Variants in ZNG1C observed in about 807,000 individuals in gnomAD.
ZNG1C encodes zinc-regulated GTPase metalloprotein activator 1C.
At chr9:68,251,056 A>C in the ZNG1C span, 2 of 351,622 alleles carry the variant, frequency 5.7e-6, no homozygotes, top group Non-Finnish European at 1.1e-5. Flanking sequence ...TCCAGCCTGG[A>C]TGACAGCATG....
chr9:68,285,764 C>T, the ZNG1C span: 2 of 595,194 alleles, frequency 3.4e-6, no homozygotes, highest in Middle Eastern at 9.0e-4. Context: ...TTATTCTGTG[C>T]ATATGTATAT....
chr9:68,263,227 GT>G, the ZNG1C span, among the ~76,000 whole-genome samples: 3 of 120,330 alleles, frequency 2.5e-5, no homozygotes, highest in African/African-American at 1.1e-4. Context: ...CTGATATATG[GT>G]TATTGACATT....
the ZNG1C span, among the ~76,000 whole-genome samples, chr9:68,267,085 A>G: frequency 6.6e-6 from 1 of 151,562 alleles, no homozygotes; most frequent in Non-Finnish European, 1.5e-5. Context: ...CCCTATACAG[A>G]GAGACATTCG....
At chr9:68,276,483 A>G in the ZNG1C span, among the ~76,000 whole-genome samples, 3 of 137,402 alleles carry the variant, frequency 2.2e-5, no homozygotes, top group African/African-American at 5.5e-5. Flanking sequence ...ATTTTTGTAT[A>G]AGGTGTAAGG....
chr9:68,293,336 A>G, the ZNG1C span, among the ~76,000 whole-genome samples: 1 of 152,126 alleles, frequency 6.6e-6, no homozygotes, highest in African/African-American at 2.4e-5. Flanking sequence ...CTCACATCTC[A>G]ATACTAACAT....
At chr9:68,290,253 C>T in the ZNG1C span, among the ~76,000 whole-genome samples, 8 of 146,516 alleles carry the variant, frequency 5.5e-5, 1 homozygote, top group South Asian at 1.3e-3. Context: ...CATATTTAAC[C>T]TGTTAAAAGC....
At chr9:68,265,132 TCCA>T in the ZNG1C span, among the ~76,000 whole-genome samples, 1 of 144,682 alleles carries the variant, frequency 6.9e-6, no homozygotes, top group Non-Finnish European at 1.5e-5. Flanking sequence ...CCTCAGGTGA[TCCA>T]CCCGCCTCGG....
At chr9:68,287,312 T>TAA in the ZNG1C span, among the ~76,000 whole-genome samples, 33 of 151,876 alleles carry the variant, frequency 2.2e-4, no homozygotes, top group African/African-American at 8.0e-4. Flanking sequence ...GGAGCTTTTT[T>TAA]AAAAAAAATT....
the ZNG1C span, among the ~76,000 whole-genome samples, chr9:68,296,615 G>T: frequency 1.3e-5 from 2 of 152,252 alleles, no homozygotes; most frequent in Admixed American, 6.5e-5. Flanking sequence ...GGCCAGATAC[G>T]CAGTTCTAGG....
chr9:68,268,646 A>G, the ZNG1C span, among the ~76,000 whole-genome samples: 1 of 152,272 alleles, frequency 6.6e-6, no homozygotes, highest in African/African-American at 2.4e-5. Flanking sequence ...TCTAAAGTGA[A>G]GCGTCTTTTT....
At chr9:68,267,580 A>ATAGTT in the ZNG1C span, among the ~76,000 whole-genome samples, 2 of 53,362 alleles carry the variant, frequency 3.7e-5, no homozygotes, top group Non-Finnish European at 7.8e-5. Flanking sequence ...AACTTTGCAC[A>ATAGTT]GTGCTGACAC....
chr9:68,255,582 TAA>T, the ZNG1C span, among the ~76,000 whole-genome samples: 1 of 146,868 alleles, frequency 6.8e-6, no homozygotes, highest in Admixed American at 6.9e-5. Flanking sequence ...CATTTCAACT[TAA>T]GAGGCAAATA....
At chr9:68,270,740 G>A in the ZNG1C span, 1 of 491,250 alleles carries the variant, frequency 2.0e-6, no homozygotes, top group Non-Finnish European at 2.6e-6. Context: ...AAAATTAGCT[G>A]AGGCTGGTGG....
At chr9:68,285,419 C>T in the ZNG1C span, 26 of 146,486 alleles carry the variant, frequency 1.8e-4, no homozygotes, top group African/African-American at 6.6e-4. Context: ...TCTTCTTGTG[C>T]TTTTCATATC....
chr9:68,291,085 G>A, the ZNG1C span, among the ~76,000 whole-genome samples: 1 of 50,196 alleles, frequency 2.0e-5, no homozygotes, highest in Admixed American at 2.1e-4. Context: ...TGTGTAGTAG[G>A]TTATACCATC....
At chr9:68,275,954 C>T in the ZNG1C span, among the ~76,000 whole-genome samples, 2 of 149,862 alleles carry the variant, frequency 1.3e-5, no homozygotes, top group Admixed American at 6.6e-5. Context: ...TCCACATCCT[C>T]TCCAGCACCT....
chr9:68,266,762 CTT>C, the ZNG1C span, among the ~76,000 whole-genome samples: 2 of 150,094 alleles, frequency 1.3e-5, no homozygotes, highest in South Asian at 2.1e-4. Context: ...TCTCTCCCCG[CTT>C]CCTATGTGAA....
the ZNG1C span, among the ~76,000 whole-genome samples, chr9:68,281,945 TA>T: frequency 1.6e-4 from 25 of 152,272 alleles, no homozygotes; most frequent in African/African-American, 5.1e-4. Context: ...GAATATCTCA[TA>T]AGTCTCATAT....
the ZNG1C span, among the ~76,000 whole-genome samples, chr9:68,291,957 G>A: frequency 6.8e-6 from 1 of 148,060 alleles, no homozygotes; most frequent in Non-Finnish European, 1.5e-5. Context: ...ACTGGAACAG[G>A]TGCTGGTATC....
Sources: gnomAD v4.1 joint callset for allele counts (sites outside exome capture counted in the v4.1 genomes callset) on GRCh38, gnomAD v4.1.1 for gene constraint, MANE v1.5 for transcripts, NCBI Gene and HGNC (gene_info 2026-07-23, HGNC 2026-07-21) for gene names.